UNC93A: variants seen among roughly 807,000 people sequenced by gnomAD.
UNC93A encodes N-acetylglucosamine transporter UNC93A.
In UNC93A, 43 loss-of-function variants were observed where a neutral mutation model predicts 47.5. The observed-to-expected ratio is 0.91, with a 90% CI of 0.71 to 1.17. UNC93A has a LOEUF of 1.17. Ranked by LOEUF, UNC93A falls within the 50% of genes most tolerant of loss-of-function variation. The pLI, the probability that UNC93A is intolerant of heterozygous loss-of-function variation, is 0.00. For synonymous variants in UNC93A, 280 were observed against 258.0 expected (o/e 1.09, Z -0.82); for missense variants, 605 against 577.6 (o/e 1.05, Z -0.49).
chr6:167,282,572 C>T (rs890032932), intron 1 of UNC93A, among the ~76,000 whole-genome samples: 1 of 152,082 alleles, frequency 6.6e-6, no homozygotes, highest in African/African-American at 2.4e-5. Flanking sequence ...GATTTTGTAG[C>T]AAATGTTCAA....
chr6:167,291,510 C>A lies in UNC93A; in HGVS notation c.21C>A (p.Asn7Lys). MDRSLR[N>K]VLVVSFGFLL... ...GCACAATGGACAGAAGTCTAAGGAA[C>A]GTCCTTGTGGTTTCCTTTGGGTTCC... Residue 7 changes from asparagine to lysine, a missense_variant, in exon 1 of 8, where the codon AAC becomes AAA. Transcript: ENST00000230256. The A allele has an allele frequency of 1.2e-6, 2 of 1,613,862 alleles. No individual in the cohort carries two copies. Among genetic ancestry groups the A allele is most frequent in the Non-Finnish European group, 8.5e-7 (1 of 1,179,890 alleles).
chr6:167,287,587 T>G (rs1783759792), upstream of UNC93A, among the ~76,000 whole-genome samples: 1 of 152,048 alleles, frequency 6.6e-6, no homozygotes, highest in Non-Finnish European at 1.5e-5. Flanking sequence ...AGACGCTCAA[T>G]AAATAGTGTG....
chr6:167,311,980 C>A (rs913530257), intron 7 of UNC93A, among the ~76,000 whole-genome samples: 1 of 123,096 alleles, frequency 8.1e-6, no homozygotes, highest in Non-Finnish European at 1.8e-5. Context: ...AGGCTTCCCA[C>A]GAGGGTTCTT....
chr6:167,279,005 C>T (rs1783588836), intron 1 of UNC93A, among the ~76,000 whole-genome samples: 1 of 152,146 alleles, frequency 6.6e-6, no homozygotes. Context: ...AAAATCTTTG[C>T]TTCGAATTTT....
intron 7 of UNC93A, among the ~76,000 whole-genome samples, chr6:167,309,341 G>A (rs2235199): frequency 0.19 from 29,335 of 152,078 alleles, 2,971 homozygotes; most frequent in South Asian, 0.32. Context: ...GAGGGTGTGC[G>A]TACTGGGTGG....
chr6:167,285,155 G>T (rs116922290), intron 1 of UNC93A, among the ~76,000 whole-genome samples: 1 of 151,836 alleles, frequency 6.6e-6, no homozygotes, highest in Non-Finnish European at 1.5e-5. Flanking sequence ...TTACCTGCCC[G>T]AGAGAGGGTG....
chr6:167,289,654 G>A (rs546793855), upstream of UNC93A, among the ~76,000 whole-genome samples: 3 of 152,034 alleles, frequency 2.0e-5, no homozygotes, highest in Admixed American at 2.0e-4. Flanking sequence ...GAGCCAGAGA[G>A]CGAGTCCTAG....
intron 7 of UNC93A, among the ~76,000 whole-genome samples, chr6:167,314,983 T>TAAA (rs1778652363): frequency 6.6e-6 from 1 of 152,136 alleles, no homozygotes; most frequent in Non-Finnish European, 1.5e-5. Context: ...CTGGGCAAAA[T>TAAA]AAACATTCTA....
rs183868514 is a variant in UNC93A at position 167,305,151 on chromosome 6, C to T, written c.841-764C>T. Among the ~76,000 whole-genome samples, 6 of 152,298 alleles carry T rather than the reference C, an allele frequency of 3.9e-5. No homozygotes were observed. In the East Asian group the frequency reaches 1.2e-3, roughly 29 times the overall value. ...GCCAACTTAGCAAGATAAAAAGCAC[C>T]TCAGCAGGTAGAATTTGAATTTCAG... is the stretch of plus-strand genomic sequence containing the variant. On this transcript the variant is annotated intron_variant, in intron 5 of 7. Transcript: ENST00000230256.
At chr6:167,285,242 A>T (rs1319580094) in intron 1 of UNC93A, among the ~76,000 whole-genome samples, 3 of 151,896 alleles carry the variant, frequency 2.0e-5, no homozygotes, top group African/African-American at 7.2e-5. Context: ...ATTTAGGCCA[A>T]GGGGAGGGGC....
In UNC93A at chr6:167,295,379, G is replaced by A. The variant is rs114004896; in HGVS notation, c.270-653G>A. On this transcript the variant is annotated intron_variant, in intron 2 of 7. Transcript: ENST00000230256. ...GTCTTTTTAACCGGGGCTGTCCCTC[G>A]GCCTCCCTCGTGCTCCTCGCCTCCC... Among the ~76,000 whole-genome samples the A allele has an allele frequency of 9.2e-3, 1,386 of 149,996 alleles. 33 individuals carry two copies. The highest frequency in any genetic ancestry group is 0.032 in the African/African-American group (1,297 of 40,062).
At chr6:167,299,131 TACACAC>T (rs60853250) in intron 4 of UNC93A, among the ~76,000 whole-genome samples, 5 of 136,404 alleles carry the variant, frequency 3.7e-5, no homozygotes, top group African/African-American at 1.1e-4. Flanking sequence ...AAAAAAAAAA[TACACAC>T]ACACACACAC....
chr6:167,285,942 C>T (rs1032713785), intron 1 of UNC93A, among the ~76,000 whole-genome samples: 1 of 130,612 alleles, frequency 7.7e-6, no homozygotes, highest in Non-Finnish European at 1.7e-5. Context: ...TTTTCTTTCT[C>T]TCTCTCTCTC....
chr6:167,271,885 T>A (rs1783456849), intron 1 of UNC93A, among the ~76,000 whole-genome samples: 1 of 152,104 alleles, frequency 6.6e-6, no homozygotes, highest in East Asian at 1.9e-4. Flanking sequence ...GGCAGCAAAC[T>A]GCAGCCAGCT....
At chr6:167,309,317 G>A (rs1230317806) in intron 7 of UNC93A, among the ~76,000 whole-genome samples, 1 of 152,218 alleles carries the variant, frequency 6.6e-6, no homozygotes, top group Non-Finnish European at 1.5e-5. Flanking sequence ...GGCAGTGTGT[G>A]TGGCCGCTTG....
At chr6:167,312,573 G>A (rs965267455) in intron 7 of UNC93A, among the ~76,000 whole-genome samples, 14 of 152,178 alleles carry the variant, frequency 9.2e-5, no homozygotes, top group African/African-American at 3.4e-4. Context: ...CTTTATTAAG[G>A]TGGTAAGACA....
At chr6:167,293,406 G>A (rs117038498) in intron 1 of UNC93A, among the ~76,000 whole-genome samples, 2,905 of 152,190 alleles carry the variant, frequency 0.019, 60 homozygotes, top group East Asian at 0.08. Context: ...GGCCCCACCC[G>A]GGCCTATTGT....
intron 1 of UNC93A, among the ~76,000 whole-genome samples, chr6:167,283,065 C>T (rs1183745310): frequency 6.6e-6 from 1 of 152,090 alleles, no homozygotes; most frequent in Admixed American, 6.5e-5. Flanking sequence ...CCCATTCAGA[C>T]ATTTAAAAAA....
rs1417273345 is a variant in UNC93A, at chr6:167,296,224, G to C, written c.462G>C (p.Leu154Phe). The change falls in exon 3 of 8, where the codon TTG becomes TTC. Residue 154 changes from leucine (L) to phenylalanine (F), a missense_variant. Leu to Phe is a conservative substitution (Grantham distance 22). Coordinates refer to ENST00000230256, the MANE Select transcript of UNC93A (RefSeq NM_018974.4). The part of the protein sequence containing the change: ...IFQSSGVWGN[L>F]ISSLVFGQTP... The stretch of plus-strand genomic sequence containing the variant: ...AGTCATCCGGTGTGTGGGGCAACTT[G>C]ATCTCATCGCTGGTATTTGGCCAGA... 2 of 1,614,098 alleles carry C rather than the reference G, an allele frequency of 1.2e-6. No individual in the cohort carries two copies. The highest frequency in any genetic ancestry group is 2.7e-5 in the African/African-American group (2 of 74,906).
Sources: gnomAD v4.1 joint callset for allele counts (sites outside exome capture counted in the v4.1 genomes callset) on GRCh38, gnomAD v4.1.1 for gene constraint, MANE v1.5 for transcripts, NCBI Gene and HGNC (gene_info 2026-07-23, HGNC 2026-07-21) for gene names.